UBR4: variants seen among roughly 807,000 people sequenced by gnomAD.
The protein encoded by UBR4 is ubiquitin protein ligase E3 component n-recognin 4, also known as E3 ubiquitin-protein ligase UBR4.
In UBR4, 124 loss-of-function variants were observed where a neutral mutation model predicts 575.6. The ratio of observed to expected loss-of-function variants is 0.22; its 90% CI spans 0.19 to 0.25. UBR4 has a LOEUF of 0.25. UBR4 is among the 10% of genes least tolerant of loss of function. The pLI is 1.00. For missense variants in UBR4, 4,818 were observed against 6,478.8 expected (o/e 0.74, Z 8.80); for synonymous variants, 2,455 against 2,473.7 (o/e 0.99, Z 0.22).
At chr1:19,194,866 G>T (rs895666070) in intron 8 of UBR4, among the ~76,000 whole-genome samples, 2 of 151,762 alleles carry the variant, frequency 1.3e-5, no homozygotes, top group Admixed American at 6.6e-5. Context: ...AGGCACAGTC[G>T]ACTCCAGAGG....
chr1:19,178,314 T>C (rs1307799251), intron 18 of UBR4, among the ~76,000 whole-genome samples: 1 of 152,256 alleles, frequency 6.6e-6, no homozygotes, highest in Non-Finnish European at 1.5e-5. Flanking sequence ...GGAATGAATG[T>C]AGCCAACTGT....
intron 87 of UBR4, among the ~76,000 whole-genome samples, chr1:19,102,182 G>A (rs2078699973): frequency 6.6e-6 from 1 of 152,172 alleles, no homozygotes; most frequent in African/African-American, 2.4e-5. Flanking sequence ...GCTAGGCAAT[G>A]TGGCGAAATG....
At chr1:19,112,169 T>G in intron 78 of UBR4, 1 of 234,124 alleles carries the variant, frequency 4.3e-6, no homozygotes, top group Non-Finnish European at 8.2e-6. Context: ...CAATCCAGAG[T>G]CCAAGCTCTT....
rs761229853 is a variant in UBR4 at position 19,157,828 on chromosome 1, T to C, written c.5747A>G (p.His1916Arg). The change falls in exon 40 of 106, where the codon CAT (histidine) becomes CGT (arginine). Residue 1916 changes from histidine to arginine, a missense_variant. His to Arg is a conservative substitution (Grantham distance 29). Around this residue, in one of 29 missense-constraint regions of UBR4, gnomAD observed 461 missense variants for 606.9 expected, o/e 0.76. Coordinates refer to ENST00000375254, the MANE Select transcript of UBR4 (RefSeq NM_020765.3). The surrounding 1 kb of genome is among the most constrained non-coding windows in gnomAD (Gnocchi z 4.4). ...TGGAGGACCCACCTTGCCCTTCTCA[T>C]GGCTGACAGCCAAATGTTGGCGGCG... is the stretch of plus-strand genomic sequence containing the variant. ...HGRRQHLAVS[H>R]EKGKITVLQL... 6.2e-7 allele frequency: 1 copy of C among 1,614,146 alleles called. No homozygotes were observed. The highest frequency in any genetic ancestry group is 8.5e-7 in the Non-Finnish European group (1 of 1,179,952).
At chr1:19,112,957 C>A in intron 77 of UBR4, 90 bp from the exon 78 acceptor site, 1 of 1,333,932 alleles carries the variant, frequency 7.5e-7, no homozygotes, top group African/African-American at 1.5e-5. Context: ...TTAGAAAAAA[C>A]TTTACATGCA....
At chr1:19,079,296 T>C (rs1204724952) in intron 103 of UBR4, 2 of 152,152 alleles carry the variant, frequency 1.3e-5, no homozygotes, top group Non-Finnish European at 2.9e-5. Context: ...TCTACTGAAA[T>C]ATGCTTCCTG....
chr1:19,178,380 AT>A (rs1368064859), intron 18 of UBR4, among the ~76,000 whole-genome samples: 1 of 152,168 alleles, frequency 6.6e-6, no homozygotes, highest in Non-Finnish European at 1.5e-5. Context: ...TAGGAAAGAG[AT>A]TTGTGTGTTT....
rs1281849037 is a variant in UBR4, at chr1:19,093,674, A to G, written c.13938-188T>C. 6.6e-6 allele frequency among the ~76,000 whole-genome samples: 1 copy of G among 152,138 alleles called. No homozygotes were observed. Among genetic ancestry groups the G allele is most frequent in the Admixed American group, 6.5e-5 (1 of 15,276 alleles). ...TACCTGCTATGTCTCCCACGCTCAC[A>G]GCCTTCTCTTGCACTCACATTTGCG... is the stretch of plus-strand genomic sequence containing the variant. On this transcript the variant is annotated intron_variant, in intron 95 of 105. Transcript: ENST00000375254. The surrounding 1 kb of genome is among the most constrained non-coding windows in gnomAD (Gnocchi z 4.8).
At chr1:19,165,972 C>T (rs2088295605) in intron 29 of UBR4, among the ~76,000 whole-genome samples, 2 of 152,186 alleles carry the variant, frequency 1.3e-5, no homozygotes, top group Admixed American at 1.3e-4. Context: ...TTTTTCTATC[C>T]TCTTCATTAG....
At chr1:19,127,560 C>T (rs2081961668) in intron 63 of UBR4, 63 bp downstream of exon 63, 2 of 1,307,482 alleles carry the variant, frequency 1.5e-6, no homozygotes, top group Non-Finnish European at 2.2e-6. Flanking sequence ...CTGTGCTGGC[C>T]CTAGCACTAC....
At chr1:19,204,465 C>T (rs554094103) in intron 1 of UBR4, among the ~76,000 whole-genome samples, 21 of 151,958 alleles carry the variant, frequency 1.4e-4, no homozygotes, top group African/African-American at 5.1e-4. Context: ...AAGAGAAATA[C>T]TGCCCACCCA....
chr1:19,204,778 A>T (rs2092925735), intron 1 of UBR4, among the ~76,000 whole-genome samples: 1 of 152,134 alleles, frequency 6.6e-6, no homozygotes, highest in Admixed American at 6.5e-5. Context: ...GGTTTTGAAG[A>T]CTTGAAGGAG....
At chr1:19,143,294 G>GAA (rs1480055215) in intron 55 of UBR4, among the ~76,000 whole-genome samples, 1 of 97,288 alleles carries the variant, frequency 1.0e-5, no homozygotes, top group Non-Finnish European at 2.2e-5. Flanking sequence ...AAGAAAGAAA[G>GAA]AAAGAAAGAA....
intron 25 of UBR4, among the ~76,000 whole-genome samples, 192 bp downstream of exon 25, chr1:19,172,672 C>T (rs2089742413): frequency 6.6e-6 from 1 of 152,104 alleles, no homozygotes; most frequent in African/African-American, 2.4e-5. Context: ...CATTAAACTT[C>T]CTCCTGACTC....
At chr1:19,189,261 G>A (rs778799168) in intron 11 of UBR4, among the ~76,000 whole-genome samples, 11 of 152,146 alleles carry the variant, frequency 7.2e-5, no homozygotes, top group Non-Finnish European at 1.6e-4. Flanking sequence ...CTTTTCTAAC[G>A]AGTAGTTTGA....
chr1:19,175,407 AACTT>A (rs1307135567), intron 20 of UBR4, among the ~76,000 whole-genome samples: 2 of 152,206 alleles, frequency 1.3e-5, no homozygotes, highest in Admixed American at 6.5e-5. Context: ...GCACACATTA[AACTT>A]ACATGCTGTT....
Position 19,173,271 on chromosome 1 carries a change from A to G in UBR4, c.3201T>C (p.His1067=). 1.2e-6 allele frequency: 2 copies of G among 1,614,242 alleles called. No homozygotes were observed. Among genetic ancestry groups the G allele is most frequent in the East Asian group, 4.5e-5 (2 of 44,884 alleles). ...HLIKQGMKAE[H]ASSLLELAST... ...ATGCCAGTTCTAGAAGCGAGCTAGC[A>G]TGCTCAGCCTTCATTCCCTGTTTGA... is the stretch of plus-strand genomic sequence containing the variant. Residue 1067 remains histidine, a synonymous_variant, in exon 24 of 106, where the codon CAT becomes CAC. Transcript: ENST00000375254.
chr1:19,185,242 T>C lies in UBR4; in HGVS notation c.1795A>G (p.Ile599Val), dbSNP rs759548683. 3.0e-5 allele frequency: 48 copies of C among 1,610,886 alleles called. No individual in the cohort carries two copies. Among genetic ancestry groups the C allele is most frequent in the Non-Finnish European group, 3.6e-5 (43 of 1,178,686 alleles). The change falls in exon 15 of 106, where the codon ATT becomes GTT. Residue 599 changes from isoleucine to valine, a missense_variant. Physicochemically the swap from Ile to Val is conservative, Grantham distance 29. Coordinates refer to ENST00000375254, the MANE Select transcript of UBR4 (RefSeq NM_020765.3). ...PILGQWFEET[I>V]SPSKEKAAPP... ...GCTGCTTTCTCTTTACTGGGAGAAA[T>C]AGTCTCCTCAAACCATTGCCCCAAA...
In UBR4 at chr1:19,095,020, A is replaced by G; in HGVS notation, c.13632T>C (p.Leu4544=). 6.2e-7 allele frequency: 1 copy of G among 1,614,166 alleles called. No individual in the cohort carries two copies. The highest frequency in any genetic ancestry group is 8.5e-7 in the Non-Finnish European group (1 of 1,180,012). The change falls in exon 94 of 106, where the codon CTT becomes CTC. Residue 4544 remains leucine, a synonymous_variant. Transcript: ENST00000375254. ...NVMLGTLNLA[L]VAEQESKDSG... ...TGTCCTTGCTTTCTTGTTCAGCTAC[A>G]AGGGCCTGTAGGAGAAGGAGACTCA...
Sources: allele counts gnomAD v4.1 joint callset (sites outside exome capture counted in the v4.1 genomes callset), GRCh38; gene constraint gnomAD v4.1.1; regional missense constraint gnomAD v4.1.1; non-coding constraint Gnocchi (gnomAD v3.1); transcripts MANE v1.5; gene names NCBI Gene and HGNC (gene_info 2026-07-23, HGNC 2026-07-21).